RPS6KA1: variants seen among roughly 807,000 people sequenced by gnomAD.
RPS6KA1 encodes the protein ribosomal protein S6 kinase alpha-1.
RPS6KA1 carries 48 observed loss-of-function variants against 91.3 expected under a neutral mutation model. The ratio of observed to expected loss-of-function variants is 0.53; its 90% confidence interval spans 0.42 to 0.67. RPS6KA1 has a LOEUF of 0.67. Among genes scored for constraint, RPS6KA1 ranks in the 30% least tolerant of loss-of-function variants. RPS6KA1 has a pLI of 0.00. For synonymous variants in RPS6KA1, 359 were observed against 384.7 expected (o/e 0.93, Z 0.78); for missense variants, 719 against 960.5 (o/e 0.75, Z 3.32).
chr1:26,563,719 C>T lies in RPS6KA1; in HGVS notation c.1590+2056C>T, dbSNP rs532666120. Reference sequence around the variant, plus strand: ...TCTGAATTTGTCTGTCGGCTGCCTCCTGGATCATTTACATTATTTCTCCAT... The same window carrying T: ...TCTGAATTTGTCTGTCGGCTGCCTCTTGGATCATTTACATTATTTCTCCAT... On this transcript the variant is annotated intron_variant, in intron 17 of 21. Transcript: ENST00000374168. Among the ~76,000 whole-genome samples the T allele has an allele frequency of 7.9e-5, 12 of 152,326 alleles. No individual in the cohort carries two copies. The South Asian group carries it at 2.5e-3, about 32-fold the overall frequency.
In RPS6KA1 at chr1:26,561,269, T is replaced by C; in HGVS notation, c.1431+135T>C. The C allele has an allele frequency of 1.0e-6, 1 of 972,500 alleles. No individual in the cohort carries two copies. Among genetic ancestry groups the C allele is most frequent in the Non-Finnish European group, 1.6e-6 (1 of 642,570 alleles). The allele number at this position is 972,500 out of a possible 1,614,324, so 60.2% of individuals were successfully genotyped here. A position where few individuals can be genotyped will look rare whatever the true frequency, so the allele number is the denominator to read the frequency against. ...GAGGGGAAGGAGGTCCCTTGGTCCC[T>C]TCAGTCTGCCCATACCCCAAGGGCC... On this transcript the variant is annotated intron_variant, in intron 16 of 21. Transcript: ENST00000374168. This position sits in a 1 kb window ranked among gnomAD's most constrained non-coding sequence, Gnocchi z 5.7.
At position 26,571,859 on chromosome 1, in the gene RPS6KA1, G is replaced by T. The variant is rs1427911631; in HGVS notation, c.1763G>T (p.Arg588Leu). 1 of 1,609,726 alleles carries T rather than the reference G, an allele frequency of 6.2e-7. No homozygotes were observed. The highest frequency in any genetic ancestry group is 1.1e-5 in the South Asian group (1 of 91,064). Residue 588 changes from arginine to leucine, a missense_variant, in exon 19 of 22, where the codon CGC becomes CTC. Around this residue, in one of 5 missense-constraint regions of RPS6KA1, gnomAD observed 249 missense variants for 323.1 expected, o/e 0.77. Transcript: ENST00000374168. This position sits in a 1 kb window ranked among gnomAD's most constrained non-coding sequence, Gnocchi z 5.1. ...ANFVAPEVLK[R>L]QGYDEGCDIW... Reference sequence around the variant, plus strand: ...CTGCCCTGTTGCCAGGTGCTGAAGCGCCAGGGCTACGATGAAGGCTGCGAC... The same window carrying T: ...CTGCCCTGTTGCCAGGTGCTGAAGCTCCAGGGCTACGATGAAGGCTGCGAC...
intron 4 of RPS6KA1, among the ~76,000 whole-genome samples, chr1:26,548,290 G>C (rs761977245): frequency 6.6e-6 from 1 of 152,040 alleles, no homozygotes; most frequent in Admixed American, 6.6e-5. Flanking sequence ...TGGTGCAGCC[G>C]GTGCTGTGAC....
At chr1:26,539,200 G>A (rs1212286574) in intron 2 of RPS6KA1, among the ~76,000 whole-genome samples, 2 of 152,232 alleles carry the variant, frequency 1.3e-5, no homozygotes, top group African/African-American at 2.4e-5. Context: ...GTAGCATGAC[G>A]AGATGAGCAC....
Position 26,546,876 on chromosome 1 carries a change from G to T in RPS6KA1, c.118G>T (p.Val40Phe). 3 of 1,613,840 alleles carry T rather than the reference G, an allele frequency of 1.9e-6. No homozygotes were observed. The highest frequency in any genetic ancestry group is 2.5e-6 in the Non-Finnish European group (3 of 1,179,796). ...TCTGTCCCTCCATCAGGATGAGGGC[G>T]TCCTCAAGGAGATCTCCATCACGCA... ...AGLQPSKDEG[V>F]LKEISITHHV... The change falls in exon 3 of 22, where the codon GTC becomes TTC. Residue 40 changes from valine to phenylalanine, a missense_variant. Physicochemically the swap from Val to Phe is conservative, Grantham distance 50. Coordinates refer to ENST00000374168, the MANE Select transcript of RPS6KA1 (RefSeq NM_002953.4).
intron 1 of RPS6KA1, chr1:26,530,971 A>C: frequency 1.9e-6 from 2 of 1,065,094 alleles, no homozygotes; most frequent in South Asian, 3.8e-5. Context: ...ATTTGAGCCC[A>C]GGAGCTGAGA....
rs1557503262 is a variant in RPS6KA1 at position 26,554,796 on chromosome 1, A to G, written c.756+58A>G. 16 of 1,537,728 alleles carry G rather than the reference A, an allele frequency of 1.0e-5. No individual in the cohort carries two copies. In the South Asian group the frequency reaches 1.5e-4, roughly 14 times the overall value. ...CCAAGCCTCTGGCCTCAGTCTCCCT[A>G]TCTGTACAGTGAGGGGGTTGATCAT... is the stretch of plus-strand genomic sequence containing the variant. On this transcript the variant is annotated intron_variant, in intron 9 of 21. Transcript: ENST00000374168. This position sits in a 1 kb window ranked among gnomAD's most constrained non-coding sequence, Gnocchi z 4.6.
At position 26,555,087 on chromosome 1, in the gene RPS6KA1, G is replaced by A; in HGVS notation, c.757-64G>A. The A allele has an allele frequency of 1.3e-6, 2 of 1,503,216 alleles. No individual in the cohort carries two copies. Among genetic ancestry groups the A allele is most frequent in the Non-Finnish European group, 1.8e-6 (2 of 1,081,622 alleles). The allele number at this position is 1,503,216 out of a possible 1,614,324, so 93.1% of individuals were successfully genotyped here. ...GGACTGGGGCAGAGGGGTCTGACTG[G>A]GAGGAGGCGGGAGGTGTGTCGGAGA... On this transcript the variant is annotated intron_variant, in intron 9 of 21. Transcript: ENST00000374168. The surrounding 1 kb of genome is among the most constrained non-coding windows in gnomAD (Gnocchi z 4.3).
In RPS6KA1 at chr1:26,569,089, G is replaced by C. The variant is rs569483620; in HGVS notation, c.1591-2360G>C. On this transcript the variant is annotated intron_variant, in intron 17 of 21. Coordinates refer to ENST00000374168, the MANE Select transcript of RPS6KA1 (RefSeq NM_002953.4). Reference sequence around the variant, plus strand: ...ACCTGTAATTCCAGCTAACTGGGAAGCTGAGATATGAGAATTGCTTGAACC... The same window carrying C: ...ACCTGTAATTCCAGCTAACTGGGAACCTGAGATATGAGAATTGCTTGAACC... Among the ~76,000 whole-genome samples, 16 of 152,028 alleles carry C rather than the reference G, an allele frequency of 1.1e-4. No individual in the cohort carries two copies. In the East Asian group the frequency reaches 2.5e-3, roughly 24 times the overall value.
At chr1:26,559,695 A>C (rs1436197429) in intron 14 of RPS6KA1, among the ~76,000 whole-genome samples, 3 of 152,054 alleles carry the variant, frequency 2.0e-5, no homozygotes, top group Non-Finnish European at 2.9e-5. Flanking sequence ...TTTGGATGAG[A>C]TACTCCCTTC....
At position 26,561,094 on chromosome 1, in the gene RPS6KA1, T is replaced by C; in HGVS notation, c.1391T>C (p.Leu464Pro). The change falls in exon 16 of 22, where the codon CTG becomes CCG. Residue 464 changes from leucine (L) to proline (P), a missense_variant. By Grantham distance (98) the Leu-to-Pro change is moderately conservative (BLOSUM62 -3). Transcript: ENST00000374168. This position sits in a 1 kb window ranked among gnomAD's most constrained non-coding sequence, Gnocchi z 5.7. The stretch of plus-strand genomic sequence containing the variant: ...CCTTCAGAAGAGATTGAGATTCTTC[T>C]GCGGTATGGCCAGCACCCCAACATC... ...RDPSEEIEILLRYGQHPNIIT... is the reference protein window; with the variant it reads ...RDPSEEIEILPRYGQHPNIIT... The C allele has an allele frequency of 6.2e-7, 1 of 1,614,096 alleles. No individual in the cohort carries two copies. The highest frequency in any genetic ancestry group is 2.2e-5 in the East Asian group (1 of 44,876).
chr1:26,529,951 C>T lies in RPS6KA1; in HGVS notation c.31C>T (p.Pro11Ser), dbSNP rs560501416. ...GCTCGCCCAGCTCAAGGAGCCCTGG[C>T]CGCTCATGGAGCTAGTGCCTCTGGA... MPLAQLKEPW[P>S]LMELVPLDPE... Residue 11 changes from proline to serine, a missense_variant, in exon 1 of 22, where the codon CCG becomes TCG. Pro to Ser is a moderately conservative substitution (Grantham distance 74). Transcript: ENST00000374168. This position sits in a 1 kb window ranked among gnomAD's most constrained non-coding sequence, Gnocchi z 4.2. 10 of 1,433,806 alleles carry T rather than the reference C, an allele frequency of 7.0e-6. No individual in the cohort carries two copies. Among genetic ancestry groups the T allele is most frequent in the Non-Finnish European group, 9.1e-6 (10 of 1,094,696 alleles). 88.8% of individuals were successfully genotyped at this position (1,433,806 alleles called of 1,614,324 possible).
At chr1:26,546,722 C>T in intron 2 of RPS6KA1, 145 bp from the exon 3 acceptor site, 1 of 630,256 alleles carries the variant, frequency 1.6e-6, no homozygotes, top group Non-Finnish European at 2.8e-6. Context: ...AAATCGATGA[C>T]CCTGGAGGCT....
At chr1:26,539,713 T>A (rs2075932216) in intron 2 of RPS6KA1, among the ~76,000 whole-genome samples, 1 of 152,184 alleles carries the variant, frequency 6.6e-6, no homozygotes, top group African/African-American at 2.4e-5. Context: ...AGCAATAGTG[T>A]GGATAGCCAT....
chr1:26,546,933 C>G lies in RPS6KA1; in HGVS notation c.175C>G (p.Pro59Ala). 6.2e-7 allele frequency: 1 copy of G among 1,614,164 alleles called. No homozygotes were observed. The highest frequency in any genetic ancestry group is 8.5e-7 in the Non-Finnish European group (1 of 1,180,024). ...HVKAGSEKAD[P>A]SHFELLKVLG... Reference sequence around the variant, plus strand: ...CAAGGCTGGCTCTGAGAAGGCTGATCCATCCCATTTCGAGCTCCTCAAGGT... The same window carrying G: ...CAAGGCTGGCTCTGAGAAGGCTGATGCATCCCATTTCGAGCTCCTCAAGGT... Residue 59 changes from proline to alanine, a missense_variant, in exon 3 of 22, where the codon CCA (proline) becomes GCA (alanine). Around this residue, in one of 5 missense-constraint regions of RPS6KA1, gnomAD observed 159 missense variants for 264.5 expected, o/e 0.60. Coordinates refer to ENST00000374168, the MANE Select transcript of RPS6KA1 (RefSeq NM_002953.4).
Position 26,561,788 on chromosome 1 carries a change from C to T in RPS6KA1, c.1590+125C>T. On this transcript the variant is annotated intron_variant, in intron 17 of 21. Coordinates refer to ENST00000374168, the MANE Select transcript of RPS6KA1 (RefSeq NM_002953.4). This position sits in a 1 kb window ranked among gnomAD's most constrained non-coding sequence, Gnocchi z 5.7. ...TAGCCAAACTGAGGGGACACTAGGG[C>T]TGGGTGGGTGGATGCGTGCAAAGGA... 2 of 951,930 alleles carry T rather than the reference C, an allele frequency of 2.1e-6. No individual in the cohort carries two copies. The highest frequency in any genetic ancestry group is 3.1e-6 in the Non-Finnish European group (2 of 640,798). 59.0% of individuals were successfully genotyped at this position (951,930 alleles called of 1,614,324 possible).
chr1:26,543,458 T>C (rs764766715), intron 2 of RPS6KA1, among the ~76,000 whole-genome samples: 6 of 152,230 alleles, frequency 3.9e-5, no homozygotes, highest in Non-Finnish European at 7.3e-5. Context: ...CCAGGCTTTC[T>C]GCCTGTCCCG....
At chr1:26,560,968 TC>T in intron 15 of RPS6KA1, 76 bp from the exon 16 acceptor site, 1 of 1,600,058 alleles carries the variant, frequency 6.2e-7, no homozygotes, top group South Asian at 1.1e-5. Context: ...GGCCGAGACC[TC>T]CTGGCCTGCT....
At chr1:26,568,925 G>T (rs1469218738) in intron 17 of RPS6KA1, among the ~76,000 whole-genome samples, 1 of 152,052 alleles carries the variant, frequency 6.6e-6, no homozygotes, top group African/African-American at 2.4e-5. Context: ...GCTGGGCGTA[G>T]TGGCTCACAC....
Sources: gnomAD v4.1 joint callset for allele counts (sites outside exome capture counted in the v4.1 genomes callset) on GRCh38, gnomAD v4.1.1 for gene constraint, gnomAD v4.1.1 regional missense constraint, Gnocchi (gnomAD v3.1) non-coding constraint, MANE v1.5 for transcripts, NCBI Gene and HGNC (gene_info 2026-07-23, HGNC 2026-07-21) for gene names.